The following XIRP2 variants were observed in gnomAD, a reference collection of about 807,000 sequenced individuals.
XIRP2 encodes the protein xin actin-binding repeat-containing protein 2.
A neutral mutation model predicts 277.0 loss-of-function variants in XIRP2; 236 were observed. The ratio of observed to expected loss-of-function variants is 0.85; its 90% CI spans 0.77 to 0.95. XIRP2 has a LOEUF of 0.95. XIRP2 is among the 40% of genes least tolerant of loss of function. The pLI, the probability that XIRP2 is intolerant of heterozygous loss-of-function variation, is 0.00. For synonymous variants in XIRP2, 1,490 were observed against 1,416.5 expected (o/e 1.05, Z -1.17); for missense variants, 4,640 against 4,157.5 (o/e 1.12, Z -3.19).
At chr2:166,950,069 A>C (rs1222502342) in intron 2 of XIRP2, among the ~76,000 whole-genome samples, 1 of 152,088 alleles carries the variant, frequency 6.6e-6, no homozygotes, top group African/African-American at 2.4e-5. Context: ...GTACTAGTGT[A>C]GTTAATTACA....
intron 3 of XIRP2, among the ~76,000 whole-genome samples, chr2:167,154,995 G>A (rs2105335045): frequency 6.6e-6 from 1 of 151,922 alleles, no homozygotes; most frequent in Admixed American, 6.5e-5. Context: ...AGAAAATCTA[G>A]AAGAAATGGA....
chr2:167,235,878 A>G (rs1694886693), intron 5 of XIRP2, among the ~76,000 whole-genome samples: 2 of 151,916 alleles, frequency 1.3e-5, no homozygotes, highest in Non-Finnish European at 2.9e-5. Context: ...ATTTTAATGT[A>G]TCTAAATCCA....
chr2:167,217,295 A>AAG (rs1293987024), intron 4 of XIRP2, among the ~76,000 whole-genome samples: 4 of 150,868 alleles, frequency 2.7e-5, no homozygotes, highest in African/African-American at 9.8e-5. Flanking sequence ...AAAAAAAAAA[A>AAG]GAAAAAAAAA....
At chr2:166,944,008 G>A (rs1022751570) in intron 2 of XIRP2, among the ~76,000 whole-genome samples, 32 of 152,170 alleles carry the variant, frequency 2.1e-4, no homozygotes, top group African/African-American at 7.7e-4. Flanking sequence ...AATGAAAAGT[G>A]AAATATGGAT....
intron 3 of XIRP2, among the ~76,000 whole-genome samples, chr2:167,162,010 C>A (rs867529554): frequency 8.5e-5 from 13 of 152,238 alleles, no homozygotes; most frequent in Admixed American, 2.6e-4. Flanking sequence ...TAGGGCTGGG[C>A]AAAATGCTCC....
chr2:167,253,477 A>C (rs1424156969), intron 9 of XIRP2, among the ~76,000 whole-genome samples: 1 of 151,886 alleles, frequency 6.6e-6, no homozygotes, highest in East Asian at 1.9e-4. Context: ...GGTATCTTAC[A>C]GTCAACTCTA....
intron 2 of XIRP2, among the ~76,000 whole-genome samples, chr2:166,916,270 C>A (rs528644852): frequency 9.9e-5 from 15 of 152,214 alleles, no homozygotes; most frequent in Non-Finnish European, 1.5e-4. Flanking sequence ...CTCCTTAAAC[C>A]CAGACATGTG....
chr2:166,932,225 T>C (rs979289097), intron 2 of XIRP2, among the ~76,000 whole-genome samples: 1 of 151,956 alleles, frequency 6.6e-6, no homozygotes, highest in African/African-American at 2.4e-5. Context: ...TCTTTTTTTT[T>C]TTTTTAATTG....
chr2:167,256,298 T>G (rs1695654892), intron 10 of XIRP2, among the ~76,000 whole-genome samples: 1 of 151,842 alleles, frequency 6.6e-6, no homozygotes, highest in African/African-American at 2.4e-5. Flanking sequence ...TCTCAAATTC[T>G]TTTCATATTT....
At chr2:166,923,025 A>T (rs982829110) in intron 2 of XIRP2, among the ~76,000 whole-genome samples, 3 of 147,576 alleles carry the variant, frequency 2.0e-5, no homozygotes, top group Non-Finnish European at 3.0e-5. Context: ...TACTAAAATT[A>T]AAAAAAAAAG....
At chr2:167,059,477 A>AAAT (rs1273382270) in intron 2 of XIRP2, among the ~76,000 whole-genome samples, 3 of 151,610 alleles carry the variant, frequency 2.0e-5, no homozygotes, top group Non-Finnish European at 4.4e-5. Context: ...AAATAAAATA[A>AAAT]AATAAAATAA....
chr2:167,094,920 T>C (rs957183925), intron 2 of XIRP2, among the ~76,000 whole-genome samples: 5 of 152,232 alleles, frequency 3.3e-5, no homozygotes, highest in Non-Finnish European at 5.9e-5. Context: ...TATGGCCATT[T>C]TCACTATATT....
At chr2:167,214,134 G>GAAGGAAGGAAGGAAGGAAGGAAGCAAGC (rs376588444) in intron 4 of XIRP2, among the ~76,000 whole-genome samples, 2 of 112,102 alleles carry the variant, frequency 1.8e-5, no homozygotes, top group Non-Finnish European at 1.8e-5. Context: ...AGGAAGGAAG[G>GAAGGAAGGAAGGAAGGAAGGAAGCAAGC]AAGCAAAGAG....
chr2:167,031,735 A>G (rs997949843), intron 2 of XIRP2, among the ~76,000 whole-genome samples: 1 of 152,088 alleles, frequency 6.6e-6, no homozygotes, highest in Non-Finnish European at 1.5e-5. Flanking sequence ...ACCTAGGAGT[A>G]TAACTTAAAA....
At chr2:167,148,750 T>G (rs1266050991) in intron 3 of XIRP2, among the ~76,000 whole-genome samples, 1 of 152,180 alleles carries the variant, frequency 6.6e-6, no homozygotes. Context: ...ATGGCTATTT[T>G]ATTCTCAGAA....
rs541722877 is a variant in XIRP2 at position 167,061,151 on chromosome 2, GTTTGTTA to G, written c.409-74757_409-74751del. ...CAATTATTCATTTCAATTTCCAATT[GTTTGTTA>G]CAAGGATACAAAAATACAATTGACT... On this transcript the variant is annotated intron_variant, in intron 2 of 10. Coordinates refer to ENST00000409195, the MANE Select transcript of XIRP2 (RefSeq NM_152381.6). Among the ~76,000 whole-genome samples, 253 of 151,994 alleles carry G rather than the reference GTTTGTTA, an allele frequency of 1.7e-3. 2 individuals are homozygous for G. Among genetic ancestry groups the G allele is most frequent in the African/African-American group, 5.9e-3 (243 of 41,484 alleles).
chr2:166,988,418 T>G (rs1036316962), intron 2 of XIRP2, among the ~76,000 whole-genome samples: 19 of 152,096 alleles, frequency 1.2e-4, no homozygotes, highest in Non-Finnish European at 2.5e-4. Context: ...AATTTGATCC[T>G]GGGCCAGAAA....
At chr2:167,229,394 C>T (rs1694692640) in intron 5 of XIRP2, among the ~76,000 whole-genome samples, 1 of 151,834 alleles carries the variant, frequency 6.6e-6, no homozygotes, top group Admixed American at 6.6e-5. Flanking sequence ...AATGGCAAGC[C>T]CCAAAATTTT....
At chr2:166,958,582 C>T (rs892783569) in intron 2 of XIRP2, among the ~76,000 whole-genome samples, 3 of 151,776 alleles carry the variant, frequency 2.0e-5, no homozygotes, top group Admixed American at 6.6e-5. Context: ...TAGTTTCTCT[C>T]TGTGCAAATA....
Sources: gnomAD v4.1 joint callset for allele counts (sites outside exome capture counted in the v4.1 genomes callset) on GRCh38, gnomAD v4.1.1 for gene constraint, MANE v1.5 for transcripts, NCBI Gene and HGNC (gene_info 2026-07-23, HGNC 2026-07-21) for gene names.